KIF6: variants seen among roughly 807,000 people sequenced by gnomAD.
KIF6 encodes kinesin family member 6.
KIF6 carries 106 observed loss-of-function variants against 112.7 expected under a neutral mutation model. That is an observed-to-expected ratio of 0.94 (90% confidence interval 0.80 to 1.11). The LOEUF is 1.11. Among genes scored for constraint, KIF6 ranks in the 50% least tolerant of loss-of-function variants. The probability of loss-of-function intolerance (pLI) is 0.00; values close to 1 mark genes in which losing one functional copy is unlikely to be tolerated. For missense variants in KIF6, 929 were observed against 964.0 expected (o/e 0.96, Z 0.48); for synonymous variants, 339 against 339.9 (o/e 1.00, Z 0.03).
chr6:39,724,227 G>C (rs909188715), intron 1 of KIF6, among the ~76,000 whole-genome samples: 1 of 152,206 alleles, frequency 6.6e-6, no homozygotes, highest in African/African-American at 2.4e-5. Flanking sequence ...GAGGCGGGCG[G>C]ATCACAAGAT....
At chr6:39,585,819 T>C (rs1388711988) in intron 8 of KIF6, among the ~76,000 whole-genome samples, 1 of 152,200 alleles carries the variant, frequency 6.6e-6, no homozygotes, top group African/African-American at 2.4e-5. Flanking sequence ...AGAAGAGCCA[T>C]TCAGCAGCTG....
Position 39,378,850 on chromosome 6 carries a change from T to C in KIF6, c.1861+6772A>G, listed in dbSNP as rs180796487. Among the ~76,000 whole-genome samples the C allele has an allele frequency of 1.1e-3, 163 of 152,298 alleles. No homozygotes were observed. Among genetic ancestry groups the C allele is most frequent in the Non-Finnish European group, 2.0e-3 (138 of 68,012 alleles). ...CGTTCCTGGGGCTGGATTCTTCCAG[T>C]TTTAGTCCTGCTCTGTGTGGCCATC... On this transcript the variant is annotated intron_variant, in intron 16 of 22. Coordinates refer to ENST00000287152, the MANE Select transcript of KIF6 (RefSeq NM_145027.6). The surrounding 1 kb of genome is among the most constrained non-coding windows in gnomAD (Gnocchi z 5.0).
chr6:39,524,485 G>T (rs1356862563), intron 13 of KIF6, among the ~76,000 whole-genome samples: 1 of 152,144 alleles, frequency 6.6e-6, no homozygotes, highest in Non-Finnish European at 1.5e-5. Flanking sequence ...AAGAATAAAG[G>T]TCGTATTCCT....
intron 13 of KIF6, among the ~76,000 whole-genome samples, chr6:39,522,201 G>T (rs1396060587): frequency 6.6e-6 from 1 of 152,096 alleles, no homozygotes; most frequent in Non-Finnish European, 1.5e-5. Flanking sequence ...ATATCAGAGG[G>T]GCCAGAGACA....
intron 13 of KIF6, among the ~76,000 whole-genome samples, chr6:39,436,971 CACA>C (rs1217540363): frequency 6.6e-6 from 1 of 152,048 alleles, no homozygotes; most frequent in Non-Finnish European, 1.5e-5. Context: ...TTGTCATTTT[CACA>C]ACATTAATTC....
chr6:39,715,156 T>C (rs865989878), intron 2 of KIF6, among the ~76,000 whole-genome samples: 1 of 152,196 alleles, frequency 6.6e-6, no homozygotes. Flanking sequence ...ACTTCTAATA[T>C]CTGACCTGTG....
At chr6:39,350,767 G>C (rs1165162488) in intron 19 of KIF6, among the ~76,000 whole-genome samples, 2 of 152,178 alleles carry the variant, frequency 1.3e-5, no homozygotes, top group African/African-American at 4.8e-5. Flanking sequence ...GTCAGAGGTG[G>C]AGCCCCTAGA....
At chr6:39,663,468 G>T (rs1194096764) in intron 3 of KIF6, among the ~76,000 whole-genome samples, 1 of 152,152 alleles carries the variant, frequency 6.6e-6, no homozygotes, top group African/African-American at 2.4e-5. Context: ...GGGACCATGT[G>T]CTACTGAAAC....
intron 13 of KIF6, among the ~76,000 whole-genome samples, chr6:39,530,240 A>G (rs943048126): frequency 6.6e-6 from 1 of 152,138 alleles, no homozygotes. Flanking sequence ...TTTGGCTTTC[A>G]TTTCACCTTT....
chr6:39,392,152 G>C (rs1191900542), intron 15 of KIF6, among the ~76,000 whole-genome samples: 1 of 152,136 alleles, frequency 6.6e-6, no homozygotes, highest in Non-Finnish European at 1.5e-5. Context: ...TTGTGCTATA[G>C]ATCTCATTCT....
chr6:39,682,302 C>A (rs749215133), intron 3 of KIF6, among the ~76,000 whole-genome samples: 2 of 152,188 alleles, frequency 1.3e-5, no homozygotes, highest in Non-Finnish European at 2.9e-5. Context: ...CTACGACACA[C>A]CCAGGCTATA....
rs539753059 is a variant in KIF6 at position 39,449,001 on chromosome 6, C to G, written c.1646-17840G>C. ...TAAGATTCTTCCATGATTCTTCAAC[C>G]CCCACATGCCATCAGCTCTAGCGGC... On this transcript the variant is annotated intron_variant, in intron 13 of 22. Transcript: ENST00000287152. Among the ~76,000 whole-genome samples, 6 of 152,296 alleles carry G rather than the reference C, an allele frequency of 3.9e-5. 1 individual carries two copies. In the South Asian group the frequency reaches 1.2e-3, roughly 32 times the overall value.
Position 39,433,053 on chromosome 6 carries a change from C to T in KIF6, c.1646-1892G>A, listed in dbSNP as rs80045466. Among the ~76,000 whole-genome samples, 316 of 152,278 alleles carry T rather than the reference C, an allele frequency of 2.1e-3. 2 individuals are homozygous for T. Among genetic ancestry groups the T allele is most frequent in the African/African-American group, 7.3e-3 (305 of 41,558 alleles). ...AAGAAGGGTTCACAGCCTCTTCCCT[C>T]CCAGGCTCTGCTTTTTCTGCAGAGC... On this transcript the variant is annotated intron_variant, in intron 13 of 22. Coordinates refer to ENST00000287152, the MANE Select transcript of KIF6 (RefSeq NM_145027.6).
chr6:39,361,944 T>G (rs991932735), intron 17 of KIF6, among the ~76,000 whole-genome samples: 8 of 152,248 alleles, frequency 5.3e-5, no homozygotes, highest in African/African-American at 1.7e-4. Flanking sequence ...AATGCATCAA[T>G]GAATGAGTGG....
chr6:39,506,307 A>G (rs1046094501), intron 13 of KIF6, among the ~76,000 whole-genome samples: 47 of 152,152 alleles, frequency 3.1e-4, no homozygotes, highest in Non-Finnish European at 1.5e-4. Flanking sequence ...GAGCTGAACA[A>G]TGAGGACACA....
At position 39,496,780 on chromosome 6, in the gene KIF6, C is replaced by A. The variant is rs574043284; in HGVS notation, c.1645+43223G>T. Among the ~76,000 whole-genome samples the A allele has an allele frequency of 3.9e-5, 6 of 152,288 alleles. No individual in the cohort carries two copies. In the South Asian group the frequency reaches 1.0e-3, roughly 26 times the overall value. On this transcript the variant is annotated intron_variant, in intron 13 of 22. Transcript: ENST00000287152. ...AACTTATTATATGACTAAAATGAGG[C>A]AAATCCTGGGTGAATATAAGTTTAT... is the stretch of plus-strand genomic sequence containing the variant.
intron 15 of KIF6, among the ~76,000 whole-genome samples, chr6:39,391,433 A>G (rs1767887181): frequency 6.6e-6 from 1 of 152,204 alleles, no homozygotes; most frequent in African/African-American, 2.4e-5. Flanking sequence ...ATGCAAGCCC[A>G]AGGAGGAAGA....
intron 6 of KIF6, among the ~76,000 whole-genome samples, chr6:39,602,657 T>C (rs1447810388): frequency 6.6e-6 from 1 of 152,212 alleles, no homozygotes; most frequent in East Asian, 1.9e-4. Flanking sequence ...CCATGGAATA[T>C]AGTTCATTTG....
intron 5 of KIF6, among the ~76,000 whole-genome samples, chr6:39,625,648 A>C (rs934870715): frequency 6.6e-6 from 1 of 152,200 alleles, no homozygotes; most frequent in East Asian, 1.9e-4. Context: ...CATAGGAGAC[A>C]GAAAAAAATA....
Sources: gnomAD v4.1 joint callset for allele counts (sites outside exome capture counted in the v4.1 genomes callset) on GRCh38, gnomAD v4.1.1 for gene constraint, Gnocchi (gnomAD v3.1) non-coding constraint, MANE v1.5 for transcripts, NCBI Gene and HGNC (gene_info 2026-07-23, HGNC 2026-07-21) for gene names.